TSPEAR: variants seen among roughly 807,000 people sequenced by gnomAD.
The protein encoded by TSPEAR is thrombospondin type laminin G domain and EAR repeats.
Under a neutral mutation model 71.6 loss-of-function variants are expected in TSPEAR, and 69 were observed. That is an observed-to-expected ratio of 0.96 (90% CI 0.79 to 1.18). The LOEUF (loss-of-function observed/expected upper bound fraction) is 1.18, where lower values mean the gene tolerates loss of function less well. Ranked by LOEUF, TSPEAR falls within the 50% of genes most tolerant of loss-of-function variation. TSPEAR has a pLI of 0.00. For missense variants in TSPEAR, 971 were observed against 894.9 expected, an observed-to-expected ratio of 1.09 and a Z score of -1.09; for synonymous variants, 402 against 387.2, an observed-to-expected ratio of 1.04 and a Z score of -0.45.
intron 1 of TSPEAR, among the ~76,000 whole-genome samples, chr21:44,622,874 C>G (rs180936646): frequency 6.6e-6 from 1 of 152,150 alleles, no homozygotes. Flanking sequence ...AGCTATTTGA[C>G]TCATGGGAGC....
intron 1 of TSPEAR, among the ~76,000 whole-genome samples, chr21:44,638,663 A>C (rs1205024919): frequency 1.3e-5 from 2 of 151,612 alleles, no homozygotes; most frequent in East Asian, 3.9e-4. Context: ...TGAACCCTGA[A>C]GGCCAGTCTC....
intron 1 of TSPEAR, among the ~76,000 whole-genome samples, chr21:44,640,392 G>A (rs79511879): frequency 0.011 from 1,718 of 152,306 alleles, 30 homozygotes; most frequent in African/African-American, 0.039. Flanking sequence ...CTGGTGGAGG[G>A]GCTCATGAGG....
At chr21:44,539,084 G>T in intron 2 of TSPEAR, 1 of 750,124 alleles carries the variant, frequency 1.3e-6, no homozygotes, top group South Asian at 1.9e-5. Flanking sequence ...GAGGACAGGG[G>T]ACCTAGCAGG....
rs2053304816 is a variant in TSPEAR, at chr21:44,546,404, T to C, written c.304-12481A>G. Among the ~76,000 whole-genome samples, 1 of 152,192 alleles carries C rather than the reference T, an allele frequency of 6.6e-6. No homozygotes were observed. Among genetic ancestry groups the C allele is most frequent in the African/African-American group, 2.4e-5 (1 of 41,434 alleles). On this transcript the variant is annotated intron_variant, in intron 2 of 11. Coordinates refer to ENST00000323084, the MANE Select transcript of TSPEAR (RefSeq NM_144991.3). This position sits in a 1 kb window ranked among gnomAD's most constrained non-coding sequence, Gnocchi z 4.4. ...GGCTGGAGTGCAGTGGTGCGATCTC[T>C]GCTCACTGCAAGCTCCGCCTCCCAG... is the stretch of plus-strand genomic sequence containing the variant.
At chr21:44,573,726 C>G in intron 1 of TSPEAR, 7 of 1,597,710 alleles carry the variant, frequency 4.4e-6, no homozygotes, top group Non-Finnish European at 6.0e-6. Flanking sequence ...TCCCATCTCC[C>G]CCAGCTCAAC....
chr21:44,691,296 C>T (rs1332148357), intron 1 of TSPEAR, among the ~76,000 whole-genome samples: 1 of 152,154 alleles, frequency 6.6e-6, no homozygotes, highest in African/African-American at 2.4e-5. Context: ...TGGCACTCAC[C>T]CCTATGTCTC....
At chr21:44,538,915 A>T (rs2053144989) in intron 2 of TSPEAR, 1 of 334,952 alleles carries the variant, frequency 3.0e-6, no homozygotes, top group South Asian at 5.0e-5. Flanking sequence ...AAAAATAATC[A>T]TGGCTGGAGG....
At position 44,601,564 on chromosome 21, in the gene TSPEAR, C is replaced by T. The variant is rs202102379; in HGVS notation, c.83-33559G>A. On this transcript the variant is annotated intron_variant, in intron 1 of 11. Transcript: ENST00000323084. The stretch of plus-strand genomic sequence containing the variant: ...CTCCTCCGTGTCCCTCCTCTGCCGC[C>T]CCGTGTGCAGGCCCGCCTGCTGCGT... 635 of 1,613,546 alleles carry T rather than the reference C, an allele frequency of 3.9e-4. 3 individuals are homozygous for T. The African/African-American group carries it at 6.7e-3, about 17-fold the overall frequency.
intron 2 of TSPEAR, chr21:44,551,077 G>A (rs374542929): frequency 1.3e-6 from 2 of 1,571,984 alleles, no homozygotes; most frequent in East Asian, 2.4e-5. Flanking sequence ...CAGCAAGCTG[G>A]CTGGCAGCTA....
chr21:44,639,129 A>G (rs1470410741), intron 1 of TSPEAR, among the ~76,000 whole-genome samples: 1 of 152,092 alleles, frequency 6.6e-6, no homozygotes, highest in Non-Finnish European at 1.5e-5. Context: ...GGCCTCACCT[A>G]GACATTCAGG....
At position 44,511,535 on chromosome 21, in the gene TSPEAR, T is replaced by C. The variant is rs143841131; in HGVS notation, c.1567-2149A>G. On this transcript the variant is annotated intron_variant, in intron 9 of 11. Transcript: ENST00000323084. Reference sequence around the variant, plus strand: ...ATCTGTGTCCATGTGCATATGTGTATACTTGCACACATGCCTGTACACAGG... The same window carrying C: ...ATCTGTGTCCATGTGCATATGTGTACACTTGCACACATGCCTGTACACAGG... Among the ~76,000 whole-genome samples, 915 of 152,338 alleles carry C rather than the reference T, an allele frequency of 6.0e-3. 6 individuals carry two copies. Among genetic ancestry groups the C allele is most frequent in the South Asian group, 0.016 (76 of 4,828 alleles).
chr21:44,652,983 C>T (rs587595583), intron 1 of TSPEAR, among the ~76,000 whole-genome samples: 29 of 151,796 alleles, frequency 1.9e-4, no homozygotes, highest in South Asian at 6.2e-4. Flanking sequence ...GGTGAAACCC[C>T]GTCTCTACTA....
chr21:44,655,668 C>T (rs1213864112), intron 1 of TSPEAR, among the ~76,000 whole-genome samples: 2 of 152,168 alleles, frequency 1.3e-5, no homozygotes, highest in African/African-American at 4.8e-5. Flanking sequence ...TCCAGGATGC[C>T]CCTGAACTTG....
chr21:44,581,708 C>G (rs587691748), intron 1 of TSPEAR, among the ~76,000 whole-genome samples: 1 of 152,184 alleles, frequency 6.6e-6, no homozygotes, highest in African/African-American at 2.4e-5. Flanking sequence ...AAGGTCTTTC[C>G]TTTTGTGACT....
chr21:44,627,844 T>A, intron 1 of TSPEAR: 2 of 1,613,830 alleles, frequency 1.2e-6, no homozygotes, highest in African/African-American at 2.7e-5. Context: ...CACCTCCTGC[T>A]GCAGACCCTC....
intron 8 of TSPEAR, among the ~76,000 whole-genome samples, chr21:44,523,838 A>G (rs903273774): frequency 8.6e-5 from 13 of 151,908 alleles, no homozygotes; most frequent in Non-Finnish European, 1.3e-4. Flanking sequence ...GTAATTAGGT[A>G]GTCAGCCAGT....
chr21:44,617,655 C>G (rs769522767), intron 1 of TSPEAR, among the ~76,000 whole-genome samples: 1 of 152,222 alleles, frequency 6.6e-6, no homozygotes, highest in Non-Finnish European at 1.5e-5. Context: ...GCTATACAAT[C>G]ACAATGCTGG....
intron 1 of TSPEAR, among the ~76,000 whole-genome samples, chr21:44,625,307 G>C (rs1229066065): frequency 6.6e-6 from 1 of 152,206 alleles, no homozygotes; most frequent in African/African-American, 2.4e-5. Context: ...AAATACTGAT[G>C]ATGGGCCACG....
rs587601171 is a variant in TSPEAR, at chr21:44,666,893, G to A, written c.82+44540C>T. On this transcript the variant is annotated intron_variant, in intron 1 of 11. Transcript: ENST00000323084. ...AGCAGCTGGTATGACACATGGTGGC[G>A]TGTGGCTGGATAAGGTCGAGGCAGA... The A allele has an allele frequency of 5.8e-5, 94 of 1,612,448 alleles. 2 individuals carry two copies. The highest frequency in any genetic ancestry group is 5.0e-4 in the Middle Eastern group (3 of 6,042).
Sources: allele counts gnomAD v4.1 joint callset (sites outside exome capture counted in the v4.1 genomes callset), GRCh38; gene constraint gnomAD v4.1.1; non-coding constraint Gnocchi (gnomAD v3.1); transcripts MANE v1.5; gene names NCBI Gene and HGNC (gene_info 2026-07-23, HGNC 2026-07-21).